The following DCP1A variants were observed in gnomAD, a reference collection of about 807,000 sequenced individuals.
DCP1A encodes the protein decapping mRNA 1A.
Under a neutral mutation model 58.0 loss-of-function variants are expected in DCP1A, and 20 were observed. That is an observed-to-expected ratio of 0.34 (90% confidence interval 0.24 to 0.50). The LOEUF (loss-of-function observed/expected upper bound fraction) is 0.50, where lower values mean the gene tolerates loss of function less well. DCP1A is among the 20% of genes least tolerant of loss of function. DCP1A has a pLI of 0.98. For missense variants in DCP1A, 613 were observed against 712.2 expected, an observed-to-expected ratio of 0.86 and a Z score of 1.59; for synonymous variants, 285 against 275.1, an observed-to-expected ratio of 1.04 and a Z score of -0.36.
At chr3:53,320,980 G>C (rs886830177) in intron 3 of DCP1A, among the ~76,000 whole-genome samples, 1 of 152,242 alleles carries the variant, frequency 6.6e-6, no homozygotes, top group African/African-American at 2.4e-5. Flanking sequence ...GTCCCCTGGC[G>C]GCCAATTATT....
chr3:53,318,642 G>A (rs1707880016), intron 4 of DCP1A, among the ~76,000 whole-genome samples: 1 of 152,184 alleles, frequency 6.6e-6, no homozygotes, highest in Admixed American at 6.5e-5. Flanking sequence ...GGTCACACAA[G>A]GGCTGGCTTC....
chr3:53,334,352 T>C (rs1367342308), intron 3 of DCP1A, among the ~76,000 whole-genome samples: 1 of 152,236 alleles, frequency 6.6e-6, no homozygotes, highest in Admixed American at 6.5e-5. Context: ...CTGAGTCTTT[T>C]AACTGGCAAG....
chr3:53,290,815 A>G lies in DCP1A; in HGVS notation c.1425T>C (p.Pro475=), dbSNP rs1553685880. The G allele has an allele frequency of 1.9e-6, 3 of 1,583,582 alleles. No individual in the cohort carries two copies. In the South Asian group the frequency reaches 3.3e-5, roughly 18 times the overall value. Residue 475 remains proline (P), a synonymous_variant, in exon 8 of 10, where the codon CCT becomes CCC. Transcript: ENST00000610213. ...QNQDPEVFVQ[P]KVLSSAIPVA... ...CCGGGATGGCACTGGATAACACCTT[A>G]GGCTGCACAAATACTTCAGGATCCT... is the stretch of plus-strand genomic sequence containing the variant.
At chr3:53,310,884 C>T (rs1433315164) in intron 5 of DCP1A, among the ~76,000 whole-genome samples, 1 of 152,196 alleles carries the variant, frequency 6.6e-6, no homozygotes, top group Non-Finnish European at 1.5e-5. Context: ...GGTGAACATG[C>T]CTATTTTTAG....
intron 3 of DCP1A, among the ~76,000 whole-genome samples, chr3:53,330,523 GAA>G (rs35855927): frequency 2.4e-5 from 3 of 125,552 alleles, no homozygotes; most frequent in Non-Finnish European, 5.1e-5. Context: ...CCTTGTCTCA[GAA>G]AAAAAAAAAA....
At chr3:53,326,600 T>G (rs191247546) in intron 3 of DCP1A, among the ~76,000 whole-genome samples, 1 of 152,192 alleles carries the variant, frequency 6.6e-6, no homozygotes, top group African/African-American at 2.4e-5. Context: ...TAGATTCTCA[T>G]AGGAGCTCCA....
intron 3 of DCP1A, among the ~76,000 whole-genome samples, chr3:53,336,171 T>C (rs147044305): frequency 1.5e-4 from 23 of 152,074 alleles, no homozygotes; most frequent in African/African-American, 4.8e-4. Flanking sequence ...TGGCATGATC[T>C]TGGCTCACTG....
intron 5 of DCP1A, among the ~76,000 whole-genome samples, chr3:53,311,008 G>C (rs1707626705): frequency 1.3e-5 from 2 of 152,188 alleles, no homozygotes; most frequent in Admixed American, 1.3e-4. Flanking sequence ...GTCAATCTGG[G>C]AATTGGTGTT....
intron 3 of DCP1A, among the ~76,000 whole-genome samples, chr3:53,332,421 G>GCTT (rs1291859451): frequency 1.3e-5 from 2 of 152,122 alleles, no homozygotes; most frequent in Non-Finnish European, 2.9e-5. Flanking sequence ...CTTCACAGTG[G>GCTT]CTTCTTGTTT....
intron 3 of DCP1A, among the ~76,000 whole-genome samples, chr3:53,336,870 A>G (rs1223384133): frequency 6.6e-6 from 1 of 150,638 alleles, no homozygotes; most frequent in African/African-American, 2.4e-5. Flanking sequence ...TTATTTATTT[A>G]TTTATTTATT....
chr3:53,323,451 T>C (rs1367197042), intron 3 of DCP1A, among the ~76,000 whole-genome samples: 1 of 152,236 alleles, frequency 6.6e-6, no homozygotes, highest in Non-Finnish European at 1.5e-5. Context: ...TCTTGAAATA[T>C]GCTTCTTCCA....
chr3:53,319,343 T>TGG (rs1229480119), intron 4 of DCP1A, 64 bp downstream of exon 4: 155 of 1,044,082 alleles, frequency 1.5e-4, no homozygotes, highest in Non-Finnish European at 2.5e-5. Context: ...CAAAGAGAAG[T>TGG]GGGAGGGGAT....
intron 6 of DCP1A, among the ~76,000 whole-genome samples, chr3:53,300,053 A>G (rs1707262323): frequency 6.6e-6 from 1 of 152,044 alleles, no homozygotes; most frequent in Non-Finnish European, 1.5e-5. Flanking sequence ...TTTTTAGTAG[A>G]GACAGGGTTT....
chr3:53,298,045 C>G (rs1386520325), intron 6 of DCP1A, among the ~76,000 whole-genome samples: 1 of 152,176 alleles, frequency 6.6e-6, no homozygotes, highest in Non-Finnish European at 1.5e-5. Flanking sequence ...TATTGAGACC[C>G]TGCCTCTACA....
chr3:53,342,435 T>A (rs1308589437), intron 2 of DCP1A, among the ~76,000 whole-genome samples, 164 bp from the exon 3 acceptor site: 1 of 152,194 alleles, frequency 6.6e-6, no homozygotes, highest in Non-Finnish European at 1.5e-5. Flanking sequence ...CAGATCATAC[T>A]CCTCCTCTGA....
At chr3:53,297,179 A>C (rs778992357) in intron 6 of DCP1A, among the ~76,000 whole-genome samples, 10 of 152,124 alleles carry the variant, frequency 6.6e-5, no homozygotes, top group Non-Finnish European at 1.3e-4. Flanking sequence ...ATGACTAATG[A>C]TGTGGAGCAT....
chr3:53,342,980 C>T (rs191872189), intron 2 of DCP1A, among the ~76,000 whole-genome samples: 3 of 152,116 alleles, frequency 2.0e-5, no homozygotes, highest in East Asian at 1.9e-4. Context: ...ATTTACATAG[C>T]GCTCCTGAGT....
At chr3:53,320,424 G>A (rs782543251) in intron 3 of DCP1A, among the ~76,000 whole-genome samples, 22 of 152,052 alleles carry the variant, frequency 1.4e-4, no homozygotes, top group Non-Finnish European at 2.6e-4. Context: ...ACAGACACAC[G>A]GATGGATAAG....
At chr3:53,331,789 A>G (rs781920160) in intron 3 of DCP1A, among the ~76,000 whole-genome samples, 2 of 152,254 alleles carry the variant, frequency 1.3e-5, no homozygotes, top group Non-Finnish European at 2.9e-5. Flanking sequence ...AGATATTAAA[A>G]AAAGATTCCC....
Sources: allele counts gnomAD v4.1 joint callset (sites outside exome capture counted in the v4.1 genomes callset), GRCh38; gene constraint gnomAD v4.1.1; transcripts MANE v1.5; gene names NCBI Gene and HGNC (gene_info 2026-07-23, HGNC 2026-07-21).